Variants in MYOM2 observed in about 807,000 individuals in gnomAD.
MYOM2 encodes the protein myomesin 2.
Under a neutral mutation model 187.6 loss-of-function variants are expected in MYOM2, and 254 were observed. The ratio of observed to expected loss-of-function variants is 1.35; its 90% CI spans 1.22 to 1.50. MYOM2 has a LOEUF of 1.50. Ranked by LOEUF, MYOM2 falls within the 40% of genes most tolerant of loss-of-function variation. The pLI, the probability that MYOM2 is intolerant of heterozygous loss-of-function variation, is 0.00. For synonymous variants in MYOM2, 981 were observed against 753.8 expected, an observed-to-expected ratio of 1.30 and a Z score of -4.94; for missense variants, 2,796 against 1,924.0, an observed-to-expected ratio of 1.45 and a Z score of -8.48.
At chr8:2,122,156 T>C (rs988881270) in intron 28 of MYOM2, among the ~76,000 whole-genome samples, 13 of 152,200 alleles carry the variant, frequency 8.5e-5, no homozygotes, top group Non-Finnish European at 8.8e-5. Flanking sequence ...TAGATTGGCA[T>C]TGAAAACAGA....
intron 32 of MYOM2, among the ~76,000 whole-genome samples, chr8:2,130,207 G>C (rs560408121): frequency 2.8e-5 from 4 of 144,774 alleles, no homozygotes; most frequent in Non-Finnish European, 4.5e-5. Context: ...CCCGCCTTTA[G>C]TTAACGCCCG....
intron 13 of MYOM2, 120 bp downstream of exon 13, chr8:2,079,733 A>G: frequency 9.1e-7 from 1 of 1,096,162 alleles, no homozygotes; most frequent in Non-Finnish European, 1.4e-6. Flanking sequence ...TGGAAAAATG[A>G]AAACCGCAGG....
At chr8:2,102,192 A>G (rs1796732113) in intron 20 of MYOM2, 1 of 152,778 alleles carries the variant, frequency 6.5e-6, no homozygotes, top group Non-Finnish European at 1.5e-5. Flanking sequence ...AATCAGCTAC[A>G]TAAATCAACT....
chr8:2,086,681 G>A (rs544428992), intron 14 of MYOM2, among the ~76,000 whole-genome samples: 40 of 152,396 alleles, frequency 2.6e-4, no homozygotes, highest in South Asian at 6.2e-4. Context: ...CTAGCTGGGC[G>A]TTGCCCCTCG....
intron 25 of MYOM2, among the ~76,000 whole-genome samples, chr8:2,113,510 G>A (rs1797135825): frequency 6.6e-6 from 1 of 152,174 alleles, no homozygotes; most frequent in African/African-American, 2.4e-5. Flanking sequence ...ACCAAGGCAG[G>A]GAGGTCAAAG....
At chr8:2,105,030 G>A (rs1208473883) in intron 21 of MYOM2, among the ~76,000 whole-genome samples, 3 of 152,198 alleles carry the variant, frequency 2.0e-5, no homozygotes, top group Non-Finnish European at 4.4e-5. Context: ...CTCTGGCCTC[G>A]GCCTCCCAAA....
At chr8:2,115,835 C>G (rs1444338656) in intron 25 of MYOM2, 125 bp from the exon 26 acceptor site, 6 of 1,075,948 alleles carry the variant, frequency 5.6e-6, no homozygotes, top group Admixed American at 2.8e-5. Flanking sequence ...GATAAAATTT[C>G]ATTTTGGTTT....
At chr8:2,046,246 T>A (rs961962678) in intron 1 of MYOM2, among the ~76,000 whole-genome samples, 1 of 152,220 alleles carries the variant, frequency 6.6e-6, no homozygotes, top group Non-Finnish European at 1.5e-5. Context: ...CCTGGTGACA[T>A]GAGGAATGGG....
At chr8:2,086,650 A>C (rs1796092510) in intron 14 of MYOM2, among the ~76,000 whole-genome samples, 2 of 152,252 alleles carry the variant, frequency 1.3e-5, no homozygotes, top group Non-Finnish European at 2.9e-5. Flanking sequence ...GGAAATTGGC[A>C]CCAGGGGGCT....
At chr8:2,108,858 T>A (rs1376178956) in intron 24 of MYOM2, 28 bp downstream of exon 24, 1 of 1,610,904 alleles carries the variant, frequency 6.2e-7, no homozygotes, top group South Asian at 1.1e-5. Flanking sequence ...CCTTCCCCTC[T>A]GCTTGCAGCT....
intron 17 of MYOM2, among the ~76,000 whole-genome samples, chr8:2,095,265 G>A (rs1444592962): frequency 2.0e-5 from 3 of 149,148 alleles, no homozygotes; most frequent in African/African-American, 7.4e-5. Context: ...TCTTTTTAAT[G>A]TCATTCCTAC....
At chr8:2,066,627 C>T (rs545685109) in intron 6 of MYOM2, among the ~76,000 whole-genome samples, 1 of 152,314 alleles carries the variant, frequency 6.6e-6, no homozygotes, top group East Asian at 1.9e-4. Context: ...AGAGAAGCAC[C>T]TCCTCCTTCC....
At chr8:2,053,517 G>A (rs1015033982) in intron 3 of MYOM2, among the ~76,000 whole-genome samples, 11 of 152,116 alleles carry the variant, frequency 7.2e-5, no homozygotes, top group Non-Finnish European at 1.2e-4. Flanking sequence ...ACTTCCTATC[G>A]CTCAATTTCC....
At chr8:2,056,942 T>G (rs1818686484) in intron 3 of MYOM2, among the ~76,000 whole-genome samples, 2 of 152,310 alleles carry the variant, frequency 1.3e-5, no homozygotes, top group South Asian at 2.1e-4. Flanking sequence ...TAACAATGTC[T>G]CTGTTTTTAA....
chr8:2,086,342 T>TGATCTCTGCGTGGCCCCCCACAGTC lies in MYOM2; in HGVS notation c.1644+953_1644+954insATCTCTGCGTGGCCCCCCACAGTCG, dbSNP rs1796048805. 2.4e-4 allele frequency among the ~76,000 whole-genome samples: 2 copies of TGATCTCTGCGTGGCCCCCCACAGTC among 8,226 alleles called. 1 individual carries two copies. The highest frequency in any genetic ancestry group is 5.6e-4 in the Non-Finnish European group (2 of 3,562). The allele number at this position is 8,226 out of a possible 152,430, so 5.4% of individuals were successfully genotyped here. Reference sequence around the variant, plus strand: ...TGATCTCTGCGTGGCCCCCCACTGTTGTGATCTCTGCGTGGCCTCCCACTG... The same window carrying TGATCTCTGCGTGGCCCCCCACAGTC: ...TGATCTCTGCGTGGCCCCCCACTGTTGATCTCTGCGTGGCCCCCCACAGTCGTGATCTCTGCGTGGCCTCCCACTG... On this transcript the variant is annotated intron_variant, in intron 14 of 36. Transcript: ENST00000262113.
chr8:2,046,903 A>C (rs1818329735), intron 1 of MYOM2, among the ~76,000 whole-genome samples: 2 of 152,014 alleles, frequency 1.3e-5, no homozygotes, highest in African/African-American at 2.4e-5. Flanking sequence ...TAGTGTCATA[A>C]ATAGTACAGG....
intron 14 of MYOM2, 36 bp from the exon 15 acceptor site, chr8:2,089,972 T>A (rs1446744667): frequency 1.2e-6 from 2 of 1,608,284 alleles, no homozygotes; most frequent in African/African-American, 2.7e-5. Flanking sequence ...ACCTCGCGGT[T>A]TTCACTGCCA....
At chr8:2,103,064 T>C (rs533443775) in intron 21 of MYOM2, among the ~76,000 whole-genome samples, 8 of 151,904 alleles carry the variant, frequency 5.3e-5, no homozygotes, top group African/African-American at 1.4e-4. Context: ...GTGCATGTAT[T>C]ATGTGTGGAT....
At chr8:2,116,735 C>A (rs946989636) in intron 27 of MYOM2, among the ~76,000 whole-genome samples, 1 of 152,152 alleles carries the variant, frequency 6.6e-6, no homozygotes, top group African/African-American at 2.4e-5. Flanking sequence ...GATTCTCAAA[C>A]ATACCCCAAG....
Sources: gnomAD v4.1 joint callset for allele counts (sites outside exome capture counted in the v4.1 genomes callset) on GRCh38, gnomAD v4.1.1 for gene constraint, MANE v1.5 for transcripts, NCBI Gene and HGNC (gene_info 2026-07-23, HGNC 2026-07-21) for gene names.